GPC6: variants seen among roughly 807,000 people sequenced by gnomAD.
GPC6 encodes the protein glypican-6.
In GPC6, 14 loss-of-function variants were observed where a neutral mutation model predicts 55.2. That is an observed-to-expected ratio of 0.25 (90% CI 0.17 to 0.40). The LOEUF is 0.40. Among genes scored for constraint, GPC6 ranks in the 10% least tolerant of loss-of-function variants. The pLI is 1.00. For missense variants in GPC6, 641 were observed against 708.5 expected (o/e 0.90, Z 1.08); for synonymous variants, 278 against 259.6 (o/e 1.07, Z -0.68).
chr13:93,360,744 C>T (rs921894090), intron 1 of GPC6, among the ~76,000 whole-genome samples: 9 of 152,118 alleles, frequency 5.9e-5, no homozygotes, highest in Non-Finnish European at 8.8e-5. Context: ...CCTCCAAAGT[C>T]GCTTTTGGTT....
At chr13:94,272,236 C>T (rs1031098070) in intron 4 of GPC6, among the ~76,000 whole-genome samples, 2 of 151,760 alleles carry the variant, frequency 1.3e-5, no homozygotes, top group South Asian at 4.2e-4. Context: ...TTTATTGGTT[C>T]TGGGAGAGGT....
intron 2 of GPC6, among the ~76,000 whole-genome samples, chr13:93,623,380 T>C (rs561307514): frequency 2.4e-4 from 36 of 152,118 alleles, no homozygotes; most frequent in Non-Finnish European, 4.4e-4. Flanking sequence ...TGGACTAATT[T>C]ACACTCCCAC....
intron 4 of GPC6, among the ~76,000 whole-genome samples, chr13:94,069,996 T>A (rs192369096): frequency 1.5e-3 from 233 of 152,340 alleles, no homozygotes; most frequent in Non-Finnish European, 2.7e-3. Flanking sequence ...CCCACTCTAC[T>A]GCTACCAATT....
intron 3 of GPC6, among the ~76,000 whole-genome samples, chr13:94,000,644 T>C (rs1288422324): frequency 1.3e-5 from 2 of 152,126 alleles, no homozygotes; most frequent in Non-Finnish European, 2.9e-5. Flanking sequence ...AGTATTGCCA[T>C]AAAATATCTA....
At chr13:93,654,062 T>C (rs1027271136) in intron 2 of GPC6, among the ~76,000 whole-genome samples, 1 of 152,148 alleles carries the variant, frequency 6.6e-6, no homozygotes, top group Admixed American at 6.5e-5. Context: ...TATATTCATT[T>C]TGTATGTTGA....
chr13:93,915,811 C>T (rs1264577158), intron 3 of GPC6, among the ~76,000 whole-genome samples: 1 of 152,152 alleles, frequency 6.6e-6, no homozygotes, highest in Admixed American at 6.5e-5. Flanking sequence ...CTTGGCTGCC[C>T]CCCAGTTAAG....
chr13:93,308,688 C>T (rs369662240), intron 1 of GPC6, among the ~76,000 whole-genome samples: 5 of 152,178 alleles, frequency 3.3e-5, no homozygotes, highest in South Asian at 4.1e-4. Context: ...GTGATCTGCC[C>T]GCCTTGGCCT....
intron 1 of GPC6, among the ~76,000 whole-genome samples, chr13:93,543,876 G>A (rs1036953129): frequency 1.9e-4 from 29 of 152,028 alleles, no homozygotes; most frequent in Non-Finnish European, 8.8e-5. Context: ...GTCTTTTGAG[G>A]AACCTCCATA....
rs60206836 is a variant in GPC6 at position 94,351,962 on chromosome 13, CAAA to C, written c.1153-30434_1153-30432del. On this transcript the variant is annotated intron_variant, in intron 6 of 8. Coordinates refer to ENST00000377047, the MANE Select transcript of GPC6 (RefSeq NM_005708.5). ...GGCAAGGAGAGGAGAGAGAAGAAGG[CAAA>C]AAAAAAAAAAAAAAAAAGAAAAAGA... Among the ~76,000 whole-genome samples, 420 of 101,516 alleles carry C rather than the reference CAAA, an allele frequency of 4.1e-3. 2 individuals are homozygous for C. Among genetic ancestry groups the C allele is most frequent in the African/African-American group, 0.016 (388 of 23,526 alleles). 66.6% of individuals were successfully genotyped at this position (101,516 alleles called of 152,430 possible). A position where few individuals can be genotyped will look rare whatever the true frequency, so the allele number is the denominator to read the frequency against.
At chr13:93,737,788 G>A (rs1315801775) in intron 2 of GPC6, among the ~76,000 whole-genome samples, 1 of 152,028 alleles carries the variant, frequency 6.6e-6, no homozygotes, top group Non-Finnish European at 1.5e-5. Flanking sequence ...AAATAGCTTT[G>A]TCAAAACATT....
intron 4 of GPC6, among the ~76,000 whole-genome samples, chr13:94,160,480 T>G (rs1358094580): frequency 3.3e-5 from 5 of 152,238 alleles, no homozygotes; most frequent in Non-Finnish European, 7.3e-5. Context: ...GTAGAGCCCT[T>G]GTTCAACAAT....
At chr13:93,814,054 AT>A (rs1309327504) in intron 2 of GPC6, among the ~76,000 whole-genome samples, 1 of 151,798 alleles carries the variant, frequency 6.6e-6, no homozygotes, top group Non-Finnish European at 1.5e-5. Context: ...TTTCTTTTCC[AT>A]TTTCTTATTA....
chr13:93,406,674 T>G lies in GPC6; in HGVS notation c.161-138589T>G, dbSNP rs79311113. On this transcript the variant is annotated intron_variant, in intron 1 of 8. Coordinates refer to ENST00000377047, the MANE Select transcript of GPC6 (RefSeq NM_005708.5). Reference sequence around the variant, plus strand: ...TATACCATCTTATTCAATGCTAAACTTGCATCAGTCCAAGTGATCACATTT... The same window carrying G: ...TATACCATCTTATTCAATGCTAAACGTGCATCAGTCCAAGTGATCACATTT... 1.1e-3 allele frequency among the ~76,000 whole-genome samples: 171 copies of G among 152,276 alleles called. No homozygotes were observed. The East Asian group carries it at 0.023, about 21-fold the overall frequency.
chr13:93,858,567 C>T lies in GPC6; in HGVS notation c.711+28022C>T, dbSNP rs114317584. Among the ~76,000 whole-genome samples, 546 of 151,416 alleles carry T rather than the reference C, an allele frequency of 3.6e-3. 1 individual carries two copies. The highest frequency in any genetic ancestry group is 0.013 in the African/African-American group (522 of 41,362). On this transcript the variant is annotated intron_variant, in intron 3 of 8. Coordinates refer to ENST00000377047, the MANE Select transcript of GPC6 (RefSeq NM_005708.5). Reference sequence around the variant, plus strand: ...AAAGAAATGGACAAATCAGCAAAGACGATTGAGGAAAAGAACCAATGAGAC... The same window carrying T: ...AAAGAAATGGACAAATCAGCAAAGATGATTGAGGAAAAGAACCAATGAGAC...
intron 2 of GPC6, among the ~76,000 whole-genome samples, chr13:93,724,286 A>G (rs764843484): frequency 9.9e-5 from 15 of 152,028 alleles, no homozygotes; most frequent in Non-Finnish European, 2.1e-4. Context: ...TTTGTTACTA[A>G]TGTTCTTCTT....
At chr13:93,539,887 C>A (rs1882219293) in intron 1 of GPC6, among the ~76,000 whole-genome samples, 1 of 152,030 alleles carries the variant, frequency 6.6e-6, no homozygotes, top group Non-Finnish European at 1.5e-5. Flanking sequence ...GACAGAGTTT[C>A]TCCATGTTGG....
intron 1 of GPC6, among the ~76,000 whole-genome samples, chr13:93,394,728 T>C (rs757564809): frequency 1.3e-5 from 2 of 152,146 alleles, no homozygotes; most frequent in Non-Finnish European, 2.9e-5. Flanking sequence ...CCCTTCAGAG[T>C]CATTTAGTAA....
intron 1 of GPC6, among the ~76,000 whole-genome samples, chr13:93,507,347 C>T (rs558968962): frequency 2.2e-4 from 33 of 152,264 alleles, no homozygotes; most frequent in South Asian, 1.2e-3. Flanking sequence ...AGTTTCTTTA[C>T]TCTTCCTGTT....
At chr13:94,336,579 T>C (rs1363501035) in intron 6 of GPC6, among the ~76,000 whole-genome samples, 2 of 152,166 alleles carry the variant, frequency 1.3e-5, no homozygotes, top group African/African-American at 4.8e-5. Flanking sequence ...AATTTGTTGC[T>C]CTTCCCAGGA....
Sources: allele counts gnomAD v4.1 joint callset (sites outside exome capture counted in the v4.1 genomes callset), GRCh38; gene constraint gnomAD v4.1.1; transcripts MANE v1.5; gene names NCBI Gene and HGNC (gene_info 2026-07-23, HGNC 2026-07-21).